The following ELP4 variants were observed in gnomAD, a reference collection of about 807,000 sequenced individuals.
ELP4 encodes the protein elongator complex protein 4.
Under a neutral mutation model 48.9 loss-of-function variants are expected in ELP4, and 51 were observed. The observed-to-expected ratio is 1.04, with a 90% CI of 0.83 to 1.32. The LOEUF (loss-of-function observed/expected upper bound fraction) is 1.32. Among genes scored for constraint, ELP4 ranks in the 40% most tolerant of loss-of-function variants. The pLI is 0.00. For synonymous variants in ELP4, 210 were observed against 189.2 expected (o/e 1.11, Z -0.90); for missense variants, 519 against 514.6 (o/e 1.01, Z -0.08).
At chr11:31,610,662 C>G (rs563236075) in intron 5 of ELP4, among the ~76,000 whole-genome samples, 1 of 152,266 alleles carries the variant, frequency 6.6e-6, no homozygotes, top group Non-Finnish European at 1.5e-5. Flanking sequence ...CTCATTTTGA[C>G]CAATGGAGAG....
intron 4 of ELP4, among the ~76,000 whole-genome samples, chr11:31,597,864 G>A (rs1957701448): frequency 6.6e-6 from 1 of 151,772 alleles, no homozygotes; most frequent in Non-Finnish European, 1.5e-5. Context: ...ACTGCACCCA[G>A]CTGATTTTGG....
chr11:31,534,631 T>C (rs1378908221), intron 2 of ELP4, among the ~76,000 whole-genome samples: 2 of 152,236 alleles, frequency 1.3e-5, no homozygotes, highest in Middle Eastern at 3.4e-3. Context: ...ACTGAAAACA[T>C]AGAAAAAGTA....
chr11:31,603,087 G>A (rs1207000284), intron 4 of ELP4, among the ~76,000 whole-genome samples: 1 of 151,868 alleles, frequency 6.6e-6, no homozygotes, highest in Non-Finnish European at 1.5e-5. Context: ...GAAATTGTTA[G>A]TAGAGAACAC....
At chr11:31,564,870 A>T (rs1422141837) in intron 3 of ELP4, among the ~76,000 whole-genome samples, 1 of 152,218 alleles carries the variant, frequency 6.6e-6, no homozygotes, top group Non-Finnish European at 1.5e-5. Flanking sequence ...AGCATGATTT[A>T]TAATCCTTTG....
At chr11:31,555,586 T>G (rs1300925352) in intron 3 of ELP4, among the ~76,000 whole-genome samples, 1 of 151,758 alleles carries the variant, frequency 6.6e-6, no homozygotes, top group East Asian at 1.9e-4. Flanking sequence ...TTTAACATAA[T>G]ATATATATTA....
chr11:31,561,655 G>T (rs1454339188), intron 3 of ELP4, among the ~76,000 whole-genome samples: 1 of 151,992 alleles, frequency 6.6e-6, no homozygotes, highest in Non-Finnish European at 1.5e-5. Flanking sequence ...TGTTGGCCTG[G>T]CTGGTTTTGA....
At chr11:31,720,661 A>C (rs1946941454) in intron 9 of ELP4, among the ~76,000 whole-genome samples, 1 of 152,204 alleles carries the variant, frequency 6.6e-6, no homozygotes, top group Non-Finnish European at 1.5e-5. Context: ...TAATCAATTG[A>C]GGTTATTCCA....
intron 9 of ELP4, chr11:31,650,954 C>G (rs1468574598): frequency 6.6e-6 from 1 of 151,542 alleles, no homozygotes; most frequent in Non-Finnish European, 1.5e-5. Flanking sequence ...GCCAAGCAGC[C>G]TTGACAAACC....
chr11:31,679,380 TAAAC>T (rs1347908434), intron 9 of ELP4, among the ~76,000 whole-genome samples: 1 of 152,188 alleles, frequency 6.6e-6, no homozygotes, highest in Non-Finnish European at 1.5e-5. Context: ...CTGGCTGACT[TAAAC>T]AATAGAAATT....
chr11:31,729,659 C>A (rs1947143903), intron 9 of ELP4, among the ~76,000 whole-genome samples: 1 of 152,186 alleles, frequency 6.6e-6, no homozygotes, highest in African/African-American at 2.4e-5. Flanking sequence ...CCATTTACTA[C>A]TATACTCCAA....
At chr11:31,574,310 A>T (rs1014260228) in intron 3 of ELP4, among the ~76,000 whole-genome samples, 2 of 152,042 alleles carry the variant, frequency 1.3e-5, no homozygotes, top group African/African-American at 4.8e-5. Context: ...AGTGGAGCCC[A>T]CCCCAGCTAA....
intron 4 of ELP4, among the ~76,000 whole-genome samples, chr11:31,596,819 G>A (rs1209825080): frequency 6.6e-6 from 1 of 151,928 alleles, no homozygotes; most frequent in Non-Finnish European, 1.5e-5. Flanking sequence ...AATGAAAAAG[G>A]AAAATTCTAC....
intron 5 of ELP4, among the ~76,000 whole-genome samples, chr11:31,607,531 T>A (rs1565076914): frequency 6.6e-6 from 1 of 152,150 alleles, no homozygotes; most frequent in Non-Finnish European, 1.5e-5. Context: ...AGGGCCTTAA[T>A]CCCGTTTTTG....
chr11:31,729,986 T>G (rs891590192), intron 9 of ELP4, among the ~76,000 whole-genome samples: 2 of 152,180 alleles, frequency 1.3e-5, no homozygotes, highest in Non-Finnish European at 2.9e-5. Flanking sequence ...CCAGACATTC[T>G]TTCCTTCTGT....
chr11:31,734,393 C>T (rs1425642440), intron 9 of ELP4, among the ~76,000 whole-genome samples: 1 of 152,160 alleles, frequency 6.6e-6, no homozygotes, highest in Admixed American at 6.5e-5. Flanking sequence ...AAATTAAAGG[C>T]ATCCATATCA....
At chr11:31,551,684 G>A (rs1956854795) in intron 3 of ELP4, among the ~76,000 whole-genome samples, 1 of 151,958 alleles carries the variant, frequency 6.6e-6, no homozygotes, top group Non-Finnish European at 1.5e-5. Flanking sequence ...ATTAAGTATG[G>A]GCAGTTTGTT....
At chr11:31,539,482 T>G (rs1486134920) in intron 2 of ELP4, among the ~76,000 whole-genome samples, 180 bp from the exon 3 acceptor site, 1 of 152,154 alleles carries the variant, frequency 6.6e-6, no homozygotes, top group Admixed American at 6.5e-5. Context: ...TCTCATTGAC[T>G]CTCTTTACAA....
intron 3 of ELP4, among the ~76,000 whole-genome samples, chr11:31,544,521 C>T (rs1210982406): frequency 2.6e-5 from 4 of 152,228 alleles, no homozygotes; most frequent in Non-Finnish European, 4.4e-5. Flanking sequence ...GTGGAGACCA[C>T]CACAGCTCAA....
chr11:31,545,744 G>A (rs1005216529), intron 3 of ELP4, among the ~76,000 whole-genome samples: 4 of 152,042 alleles, frequency 2.6e-5, no homozygotes, highest in African/African-American at 4.8e-5. Context: ...GAAAGGTCGG[G>A]TTACCCACAA....
Sources: allele counts gnomAD v4.1 joint callset (sites outside exome capture counted in the v4.1 genomes callset), GRCh38; gene constraint gnomAD v4.1.1; transcripts MANE v1.5; gene names NCBI Gene and HGNC (gene_info 2026-07-23, HGNC 2026-07-21).